Variants in NUCB2 observed in about 807,000 individuals in gnomAD.
The protein encoded by NUCB2 is nucleobindin 2.
Under a neutral mutation model 57.9 loss-of-function variants are expected in NUCB2, and 48 were observed. The observed-to-expected ratio is 0.83, with a 90% CI of 0.66 to 1.05. NUCB2 has a LOEUF of 1.05. Ranked by LOEUF, NUCB2 falls within the 50% of genes least tolerant of loss-of-function variation. The pLI is 0.00. For synonymous variants in NUCB2, 139 were observed against 152.1 expected, an observed-to-expected ratio of 0.91 and a Z score of 0.64; for missense variants, 442 against 476.2, an observed-to-expected ratio of 0.93 and a Z score of 0.67.
At chr11:17,278,850 G>A (rs556631712) in intron 1 of NUCB2, among the ~76,000 whole-genome samples, 5 of 152,130 alleles carry the variant, frequency 3.3e-5, no homozygotes, top group Non-Finnish European at 7.4e-5. Context: ...ACCCTTTTGA[G>A]TACTGGGTAG....
chr11:17,296,159 C>T lies in NUCB2; in HGVS notation c.200C>T (p.Thr67Ile). Reference sequence around the variant, plus strand: ...AAGCAAGTGATTGATGTGCTGGAAACAGATAAACACTTCAGAGAAAAGCTC... The same window carrying T: ...AAGCAAGTGATTGATGTGCTGGAAATAGATAAACACTTCAGAGAAAAGCTC... ...YLKQVIDVLE[T>I]DKHFREKLQK... The change falls in exon 4 of 14, where the codon ACA (threonine) becomes ATA (isoleucine). Residue 67 changes from threonine (T) to isoleucine (I), a missense_variant. Coordinates refer to ENST00000529010, the MANE Select transcript of NUCB2 (RefSeq NM_005013.4). 1 of 1,612,078 alleles carries T rather than the reference C, an allele frequency of 6.2e-7. No individual in the cohort carries two copies. Among genetic ancestry groups the T allele is most frequent in the Non-Finnish European group, 8.5e-7 (1 of 1,178,984 alleles).
chr11:17,311,851 T>C, intron 8 of NUCB2, 21 bp from the exon 9 acceptor site: 3 of 1,498,178 alleles, frequency 2.0e-6, no homozygotes, highest in African/African-American at 1.4e-5. Flanking sequence ...TATTTTTGCA[T>C]TTGTAACTTT....
intron 11 of NUCB2, among the ~76,000 whole-genome samples, chr11:17,328,053 T>G (rs1274329097): frequency 2.0e-5 from 3 of 152,196 alleles, no homozygotes; most frequent in Non-Finnish European, 4.4e-5. Context: ...ACTCTGGGTT[T>G]GTTTGTGCAT....
In NUCB2 at chr11:17,283,899, AAGT is replaced by A. The variant is rs139260370; in HGVS notation, c.-1+960_-1+962del. 4.9e-3 allele frequency among the ~76,000 whole-genome samples: 748 copies of A among 152,324 alleles called. 8 individuals are homozygous for A. Among genetic ancestry groups the A allele is most frequent in the African/African-American group, 0.017 (702 of 41,582 alleles). ...AACACTTGCCTTCCTTGCTAGCTAAAAGTAGTTTGTTCTTTTTCTTTCCTTTCT... is the reference window on the plus strand; with the variant it reads ...AACACTTGCCTTCCTTGCTAGCTAAAAGTTTGTTCTTTTTCTTTCCTTTCT... On this transcript the variant is annotated intron_variant, in intron 2 of 13. Coordinates refer to ENST00000529010, the MANE Select transcript of NUCB2 (RefSeq NM_005013.4).
At chr11:17,341,082 T>G (rs1298562565) in intron 2 of NUCB2, among the ~76,000 whole-genome samples, 1 of 152,238 alleles carries the variant, frequency 6.6e-6, no homozygotes, top group East Asian at 1.9e-4. Context: ...TTTGAAGCAA[T>G]TGTGAATGGC....
chr11:17,280,012 C>CA (rs1453913387), intron 1 of NUCB2, among the ~76,000 whole-genome samples: 1 of 152,014 alleles, frequency 6.6e-6, no homozygotes, highest in African/African-American at 2.4e-5. Flanking sequence ...AGGCTGGTCT[C>CA]AAACTTCTAG....
chr11:17,339,466 A>G (rs1048874695), intron 2 of NUCB2, among the ~76,000 whole-genome samples: 2 of 150,986 alleles, frequency 1.3e-5, no homozygotes, highest in Non-Finnish European at 3.0e-5. Flanking sequence ...TCGTCATTTA[A>G]CATTAGGTAT....
chr11:17,295,671 C>A, intron 3 of NUCB2: 2 of 541,056 alleles, frequency 3.7e-6, no homozygotes, highest in Non-Finnish European at 6.4e-6. Flanking sequence ...ATTGGCCAAG[C>A]ATATGCTGTT....
intron 10 of NUCB2, among the ~76,000 whole-genome samples, chr11:17,314,024 ATCT>A (rs1948888803): frequency 6.6e-6 from 1 of 152,064 alleles, no homozygotes; most frequent in Middle Eastern, 3.2e-3. Flanking sequence ...TTTAACTCAC[ATCT>A]TCTTCAAACC....
chr11:17,336,047 G>A (rs138975678), downstream of NUCB2, among the ~76,000 whole-genome samples: 414 of 152,202 alleles, frequency 2.7e-3, 2 homozygotes, highest in African/African-American at 7.2e-3. Context: ...GACCTGAAGT[G>A]TTTTGGATTT....
chr11:17,285,046 T>C (rs1023156842), intron 2 of NUCB2, among the ~76,000 whole-genome samples: 4 of 152,044 alleles, frequency 2.6e-5, no homozygotes, highest in Non-Finnish European at 4.4e-5. Context: ...TACATACTTA[T>C]AATAGGTTAA....
chr11:17,319,728 A>G (rs1448077890), intron 11 of NUCB2, among the ~76,000 whole-genome samples: 1 of 151,684 alleles, frequency 6.6e-6, no homozygotes, highest in East Asian at 1.9e-4. Flanking sequence ...CCTTTTTTTC[A>G]TTTTAATTTT....
chr11:17,343,651 A>C (rs1423000356), intron 2 of NUCB2, among the ~76,000 whole-genome samples: 1 of 152,144 alleles, frequency 6.6e-6, no homozygotes, highest in African/African-American at 2.4e-5. Flanking sequence ...TCCTTATTAA[A>C]GTAGTGATAT....
intron 10 of NUCB2, among the ~76,000 whole-genome samples, chr11:17,315,132 T>C (rs1949050485): frequency 6.6e-6 from 1 of 152,232 alleles, no homozygotes; most frequent in South Asian, 2.1e-4. Flanking sequence ...TTAATGGTTT[T>C]GTGGGCATTA....
At chr11:17,323,138 C>T (rs949234223) in intron 11 of NUCB2, among the ~76,000 whole-genome samples, 7 of 152,018 alleles carry the variant, frequency 4.6e-5, no homozygotes, top group African/African-American at 1.4e-4. Flanking sequence ...GTGGTGAAAG[C>T]GAGCATCCTT....
chr11:17,312,112 A>G lies in NUCB2; in HGVS notation c.904A>G (p.Met302Val), dbSNP rs888578100. ...EERLRMREHV[M>V]NEVDTNKDRL... ...AAGGCTTAGAATGAGGGAACATGTAATGAATGAGGTATGTTTTAAAAGTTT... is the reference window on the plus strand; with the variant it reads ...AAGGCTTAGAATGAGGGAACATGTAGTGAATGAGGTATGTTTTAAAAGTTT... The change falls in exon 10 of 14, where the codon ATG (methionine) becomes GTG (valine). Residue 302 changes from methionine to valine, a missense_variant. Coordinates refer to ENST00000529010, the MANE Select transcript of NUCB2 (RefSeq NM_005013.4). 15 of 1,433,992 alleles carry G rather than the reference A, an allele frequency of 1.0e-5. No individual in the cohort carries two copies. The highest frequency in any genetic ancestry group is 2.3e-5 in the East Asian group (1 of 43,762). 88.8% of individuals were successfully genotyped at this position (1,433,992 alleles called of 1,614,324 possible). A position where few individuals can be genotyped will look rare whatever the true frequency, so the allele number is the denominator to read the frequency against.
At chr11:17,285,332 T>C (rs1943489847) in intron 2 of NUCB2, among the ~76,000 whole-genome samples, 3 of 152,122 alleles carry the variant, frequency 2.0e-5, no homozygotes, top group Admixed American at 1.3e-4. Context: ...CCCAGCACTT[T>C]GGGAGGCCGA....
intron 2 of NUCB2, among the ~76,000 whole-genome samples, chr11:17,347,096 C>A (rs1363764396): frequency 6.6e-6 from 1 of 152,154 alleles, no homozygotes; most frequent in Non-Finnish European, 1.5e-5. Flanking sequence ...TTTAGAGAGA[C>A]ATGAGACATC....
intron 2 of NUCB2, among the ~76,000 whole-genome samples, chr11:17,288,882 T>TATACAC (rs1944330772): frequency 1.3e-4 from 6 of 44,646 alleles, no homozygotes; most frequent in South Asian, 8.8e-4. Context: ...AACATGTATA[T>TATACAC]ACACACACAC....
Sources: allele counts gnomAD v4.1 joint callset (sites outside exome capture counted in the v4.1 genomes callset), GRCh38; gene constraint gnomAD v4.1.1; transcripts MANE v1.5; gene names NCBI Gene and HGNC (gene_info 2026-07-23, HGNC 2026-07-21).